KALRN: variants seen among roughly 807,000 people sequenced by gnomAD.
KALRN encodes the protein kalirin RhoGEF kinase, also known as kalirin.
Under a neutral mutation model 353.7 loss-of-function variants are expected in KALRN, and 70 were observed. The observed-to-expected ratio is 0.20, with a 90% CI of 0.16 to 0.24. KALRN has a LOEUF of 0.24. KALRN is among the 10% of genes least tolerant of loss of function. The pLI, the probability that KALRN is intolerant of heterozygous loss-of-function variation, is 1.00. For synonymous variants in KALRN, 1,391 were observed against 1,434.8 expected, an observed-to-expected ratio of 0.97 and a Z score of 0.69; for missense variants, 2,791 against 3,756.7, an observed-to-expected ratio of 0.74 and a Z score of 6.72.
At position 124,219,246 on chromosome 3, in the gene KALRN, T is replaced by C. The variant is rs917461426; in HGVS notation, c.74-8744T>C. On this transcript the variant is annotated intron_variant, in intron 1 of 59. Coordinates refer to ENST00000682506, the MANE Select transcript of KALRN (RefSeq NM_001388419.1). ...CTTAGAGTCTAGCGAGGGAGCCAGA[T>C]GCAGTGGTGGACAATGGCAGAACAG... 2.6e-5 allele frequency among the ~76,000 whole-genome samples: 4 copies of C among 152,284 alleles called. No individual in the cohort carries two copies. In the South Asian group the frequency reaches 8.3e-4, roughly 32 times the overall value.
intron 1 of KALRN, among the ~76,000 whole-genome samples, chr3:124,081,025 T>C (rs73857595): frequency 0.031 from 4,728 of 152,304 alleles, 143 homozygotes; most frequent in East Asian, 0.094. Context: ...GCAGTTTATC[T>C]ACAGCAATTC....
At chr3:124,429,495 GAATA>G (rs375499063) in intron 15 of KALRN, among the ~76,000 whole-genome samples, 60 of 152,304 alleles carry the variant, frequency 3.9e-4, no homozygotes, top group Middle Eastern at 3.4e-3. Context: ...TGAATTTTCA[GAATA>G]GCTTTTATTT....
chr3:124,292,372 C>T (rs1349231165), intron 5 of KALRN, among the ~76,000 whole-genome samples: 1 of 152,202 alleles, frequency 6.6e-6, no homozygotes, highest in African/African-American at 2.4e-5. Context: ...ATAGGCATCT[C>T]ACCTGAGTGA....
At chr3:124,247,270 C>T (rs79986929) in intron 3 of KALRN, among the ~76,000 whole-genome samples, 1,746 of 152,228 alleles carry the variant, frequency 0.011, 33 homozygotes, top group African/African-American at 0.04. Context: ...CTGGTTCTCT[C>T]CTCATTAAAT....
intron 29 of KALRN, chr3:124,488,606 G>A: frequency 3.2e-6 from 1 of 310,418 alleles, no homozygotes; most frequent in Non-Finnish European, 6.0e-6. Flanking sequence ...TGATGTGCTA[G>A]AGCTTCCAAC....
intron 13 of KALRN, among the ~76,000 whole-genome samples, chr3:124,402,685 T>G (rs1434766826): frequency 6.6e-6 from 1 of 152,218 alleles, no homozygotes; most frequent in African/African-American, 2.4e-5. Flanking sequence ...ATATAAATAT[T>G]TATTCATTTT....
chr3:124,212,529 C>T (rs572358255), intron 1 of KALRN, among the ~76,000 whole-genome samples: 2 of 152,224 alleles, frequency 1.3e-5, no homozygotes, highest in East Asian at 1.9e-4. Flanking sequence ...CTGTTGGATA[C>T]TTAGGATATT....
chr3:124,697,641 C>A lies in KALRN; in HGVS notation c.7748C>A (p.Thr2583Asn). 2 of 1,612,022 alleles carry A rather than the reference C, an allele frequency of 1.2e-6. No individual in the cohort carries two copies. The highest frequency in any genetic ancestry group is 1.7e-6 in the Non-Finnish European group (2 of 1,179,146). The change falls in exon 55 of 60, where the codon ACC (threonine) becomes AAC (asparagine). Residue 2583 changes from threonine to asparagine, a missense_variant. Physicochemically the swap from Thr to Asn is moderately conservative, Grantham distance 65 (BLOSUM62 0). Around this residue, in one of 11 missense-constraint regions of KALRN, gnomAD observed 1,065 missense variants for 1,156.4 expected, o/e 0.92. Coordinates refer to ENST00000682506, the MANE Select transcript of KALRN (RefSeq NM_001388419.1). ...CCCATTGCCCAGGAGAGAAGCTGCA[C>A]CTCCGTGATTCTCCGCTGGCTGCCC... Reference protein sequence around the residue: ...NRPIAQERSCTSVILRWLPPS... With the variant: ...NRPIAQERSCNSVILRWLPPS...
chr3:124,538,175 C>T lies in KALRN; in HGVS notation c.4936-24668C>T, dbSNP rs566660400. On this transcript the variant is annotated intron_variant, in intron 33 of 59. Transcript: ENST00000682506. ...CTCTCACCACTGCCTTCTTTCAGCACAGCAGGACGATTTTGAGTGACCTTG... is the reference window on the plus strand; with the variant it reads ...CTCTCACCACTGCCTTCTTTCAGCATAGCAGGACGATTTTGAGTGACCTTG... Among the ~76,000 whole-genome samples, 4 of 152,282 alleles carry T rather than the reference C, an allele frequency of 2.6e-5. No individual in the cohort carries two copies. In the South Asian group the frequency reaches 6.2e-4, roughly 24 times the overall value.
At chr3:124,673,847 T>C (rs1485425185) in intron 48 of KALRN, among the ~76,000 whole-genome samples, 1 of 152,136 alleles carries the variant, frequency 6.6e-6, no homozygotes, top group African/African-American at 2.4e-5. Context: ...TGCCTTTGAA[T>C]TGGGCAGAGA....
intron 1 of KALRN, among the ~76,000 whole-genome samples, chr3:124,161,154 T>C (rs898402751): frequency 6.6e-6 from 1 of 152,208 alleles, no homozygotes; most frequent in Non-Finnish European, 1.5e-5. Flanking sequence ...TTTACCATGA[T>C]AGAAAAGTCA....
intron 5 of KALRN, among the ~76,000 whole-genome samples, chr3:124,288,037 C>T (rs553152596): frequency 1.3e-5 from 2 of 151,508 alleles, no homozygotes; most frequent in South Asian, 4.2e-4. Flanking sequence ...CCACGCCTGG[C>T]TAATTTTTTG....
intron 34 of KALRN, among the ~76,000 whole-genome samples, chr3:124,623,373 G>T (rs903479796): frequency 2.8e-5 from 4 of 144,892 alleles, no homozygotes; most frequent in South Asian, 4.4e-4. Flanking sequence ...ACTAATAGGA[G>T]ATATATATAT....
chr3:124,600,792 G>A (rs1373809161), intron 34 of KALRN, among the ~76,000 whole-genome samples: 4 of 152,180 alleles, frequency 2.6e-5, no homozygotes, highest in Non-Finnish European at 5.9e-5. Context: ...AGGCAGGTTT[G>A]GAGAGGCTAC....
At chr3:124,202,781 C>T (rs1322254262) in intron 1 of KALRN, among the ~76,000 whole-genome samples, 2 of 152,182 alleles carry the variant, frequency 1.3e-5, no homozygotes, top group African/African-American at 4.8e-5. Flanking sequence ...CTTCAAGACA[C>T]ACCTCTTCCC....
intron 1 of KALRN, among the ~76,000 whole-genome samples, chr3:124,189,641 A>G (rs1170338507): frequency 1.3e-5 from 2 of 151,952 alleles, no homozygotes; most frequent in African/African-American, 4.8e-5. Context: ...TGTCTCTACT[A>G]ATAATACAAA....
intron 1 of KALRN, among the ~76,000 whole-genome samples, chr3:124,222,584 C>G (rs959754595): frequency 6.6e-6 from 1 of 152,104 alleles, no homozygotes; most frequent in Non-Finnish European, 1.5e-5. Context: ...GCGTATGGAT[C>G]AGCTGGGTTT....
At chr3:124,372,104 G>A (rs1180744918) in intron 10 of KALRN, among the ~76,000 whole-genome samples, 1 of 152,084 alleles carries the variant, frequency 6.6e-6, no homozygotes, top group Non-Finnish European at 1.5e-5. Flanking sequence ...TTCCATCCAC[G>A]TTTTTGCAAA....
chr3:124,644,533 G>T (rs2082468644), intron 37 of KALRN, among the ~76,000 whole-genome samples: 1 of 151,776 alleles, frequency 6.6e-6, no homozygotes, highest in Non-Finnish European at 1.5e-5. Flanking sequence ...GTGTCTATGT[G>T]TTCTCATTGT....
Sources: gnomAD v4.1 joint callset for allele counts (sites outside exome capture counted in the v4.1 genomes callset) on GRCh38, gnomAD v4.1.1 for gene constraint, gnomAD v4.1.1 regional missense constraint, MANE v1.5 for transcripts, NCBI Gene and HGNC (gene_info 2026-07-23, HGNC 2026-07-21) for gene names.